The following PXT1 variants were observed in gnomAD, a reference collection of about 807,000 sequenced individuals.
PXT1 encodes the protein peroxisomal testis-specific protein 1.
Under a neutral mutation model 11.0 loss-of-function variants are expected in PXT1, and 11 were observed. The ratio of observed to expected loss-of-function variants is 1.00; its 90% CI spans 0.63 to 1.66. The LOEUF is 1.66. PXT1 is among the 40% of genes most tolerant of loss of function. The pLI is 0.00. For missense variants in PXT1, 141 were observed against 155.5 expected (o/e 0.91, Z 0.49); for synonymous variants, 43 against 51.4 (o/e 0.84, Z 0.70).
intron 1 of PXT1, among the ~76,000 whole-genome samples, chr6:36,441,561 C>T (rs766313209): frequency 6.6e-6 from 1 of 152,054 alleles, no homozygotes; most frequent in Admixed American, 6.6e-5. Context: ...TCTGCCAGCC[C>T]GGAAGTGCTG....
chr6:36,413,673 A>G (rs1774407793), intron 3 of PXT1, among the ~76,000 whole-genome samples: 1 of 152,102 alleles, frequency 6.6e-6, no homozygotes, highest in African/African-American at 2.4e-5. Context: ...TCAATCTAGA[A>G]TTCTATGCCC....
At chr6:36,441,447 C>G (rs1774862599) in intron 1 of PXT1, among the ~76,000 whole-genome samples, 1 of 152,140 alleles carries the variant, frequency 6.6e-6, no homozygotes, top group South Asian at 2.1e-4. Flanking sequence ...CAGGTTGAGC[C>G]TGGTGACTAG....
chr6:36,431,107 T>G (rs1008399743), intron 2 of PXT1, among the ~76,000 whole-genome samples: 6 of 152,102 alleles, frequency 3.9e-5, no homozygotes, highest in Admixed American at 2.6e-4. Context: ...TGAGCCACCA[T>G]GCCTGGCCGT....
chr6:36,430,002 C>G (rs1774669561), intron 2 of PXT1, among the ~76,000 whole-genome samples: 1 of 150,474 alleles, frequency 6.6e-6, no homozygotes, highest in African/African-American at 2.5e-5. Flanking sequence ...AGATCAGGAG[C>G]TCGAGAGTAG....
intron 3 of PXT1, among the ~76,000 whole-genome samples, chr6:36,414,036 T>C (rs1268784399): frequency 6.6e-6 from 1 of 152,170 alleles, no homozygotes; most frequent in South Asian, 2.1e-4. Flanking sequence ...TATGGGAGCG[T>C]TTAATGAAGA....
chr6:36,395,803 C>G (rs1774136044), intron 4 of PXT1, among the ~76,000 whole-genome samples: 1 of 151,998 alleles, frequency 6.6e-6, no homozygotes, highest in East Asian at 1.9e-4. Flanking sequence ...AGTTTGAGAC[C>G]AGGCTGGGCA....
chr6:36,426,083 G>A lies in PXT1; in HGVS notation c.-1C>T. ...CAATGCCATCATGTTTTTTCTTCAT[G>A]TTTTTTCCCTGTTGAAAAACATATT... On this transcript the variant is annotated 5_prime_UTR_variant, in exon 3 of 5. Transcript: ENST00000454782. 2.0e-6 allele frequency: 3 copies of A among 1,498,284 alleles called. No individual in the cohort carries two copies. The highest frequency in any genetic ancestry group is 2.7e-6 in the Non-Finnish European group (3 of 1,128,278). 92.8% of individuals were successfully genotyped at this position (1,498,284 alleles called of 1,614,324 possible). A position where few individuals can be genotyped will look rare whatever the true frequency, so the allele number is the denominator to read the frequency against.
intron 2 of PXT1, among the ~76,000 whole-genome samples, chr6:36,432,652 T>G (rs1175138979): frequency 6.6e-6 from 1 of 151,986 alleles, no homozygotes; most frequent in East Asian, 1.9e-4. Context: ...ATGGGAGAAA[T>G]GTAGTGCTTC....
At chr6:36,435,703 A>C (rs568830527) in intron 2 of PXT1, among the ~76,000 whole-genome samples, 1 of 152,348 alleles carries the variant, frequency 6.6e-6, no homozygotes, top group Admixed American at 6.5e-5. Context: ...GAATTCATCA[A>C]TGATAAACAG....
intron 2 of PXT1, among the ~76,000 whole-genome samples, chr6:36,437,820 CTTTTT>C (rs375905408): frequency 1.3e-5 from 1 of 79,426 alleles, no homozygotes; most frequent in South Asian, 4.2e-4. Context: ...CCAGCCACTG[CTTTTT>C]TTTTTTTTTT....
intron 3 of PXT1, among the ~76,000 whole-genome samples, chr6:36,404,425 G>A (rs1774258537): frequency 6.6e-6 from 1 of 152,120 alleles, no homozygotes; most frequent in African/African-American, 2.4e-5. Context: ...TCACTCAAGT[G>A]ATCCTCCCAC....
intron 2 of PXT1, among the ~76,000 whole-genome samples, chr6:36,429,715 T>G (rs515186): frequency 0.43 from 64,014 of 149,766 alleles, 15,053 homozygotes; most frequent in African/African-American, 0.61. Flanking sequence ...GTGTTGGCCA[T>G]GCTGGTCTCG....
intron 2 of PXT1, among the ~76,000 whole-genome samples, chr6:36,426,310 G>A (rs2180929): frequency 0.24 from 35,973 of 147,796 alleles, 4,618 homozygotes; most frequent in East Asian, 0.38. Context: ...CTATTACACC[G>A]GCCTGCATCC....
intron 3 of PXT1, among the ~76,000 whole-genome samples, chr6:36,419,747 T>A (rs1472958184): frequency 6.6e-6 from 1 of 152,222 alleles, no homozygotes. Flanking sequence ...TTTCCATTTG[T>A]CTTGAAGTCA....
rs561347695 is a variant in PXT1, at chr6:36,439,538, G to A, written c.-129-652C>T. On this transcript the variant is annotated intron_variant, in intron 1 of 4. Transcript: ENST00000454782. ...TGAGGTAGGATAATCGCTTGAATCC[G>A]GGAGGTGGAGGTAGCAGTGAACAGA... Among the ~76,000 whole-genome samples, 57 of 151,444 alleles carry A rather than the reference G, an allele frequency of 3.8e-4. 2 individuals carry two copies. In the East Asian group the frequency reaches 8.3e-3, roughly 22 times the overall value.
Position 36,414,768 on chromosome 6 carries a change from C to T in PXT1, c.169+11146G>A, listed in dbSNP as rs976097362. On this transcript the variant is annotated intron_variant, in intron 3 of 4. Transcript: ENST00000454782. ...GCCTCTCCACATTCTGGGCCATCTG[C>T]TGCCAGATTGGAAAATACATGTCTC... 2.0e-5 allele frequency among the ~76,000 whole-genome samples: 3 copies of T among 152,238 alleles called. No individual in the cohort carries two copies. In the South Asian group the frequency reaches 6.2e-4, roughly 31 times the overall value.
intron 3 of PXT1, among the ~76,000 whole-genome samples, chr6:36,418,914 T>C (rs1206165564): frequency 6.6e-6 from 1 of 151,940 alleles, no homozygotes; most frequent in African/African-American, 2.4e-5. Flanking sequence ...AGGGGGGAGA[T>C]AGTGTGGGGC....
Position 36,391,547 on chromosome 6 carries a change from C to T in PXT1, c.*223G>A. ...CCTGGGGTCCTAATTACTCCTTGGG[C>T]TTTACCGTGATGTGATCGCAGACAT... On this transcript the variant is annotated 3_prime_UTR_variant, in exon 5 of 5. Transcript: ENST00000454782. 1.9e-6 allele frequency: 1 copy of T among 538,554 alleles called. No homozygotes were observed. Among genetic ancestry groups the T allele is most frequent in the Non-Finnish European group, 3.3e-6 (1 of 304,054 alleles). 33.4% of individuals were successfully genotyped at this position (538,554 alleles called of 1,614,324 possible). A position where few individuals can be genotyped will look rare whatever the true frequency, so the allele number is the denominator to read the frequency against.
chr6:36,420,821 G>A (rs1206629824), intron 3 of PXT1, among the ~76,000 whole-genome samples: 1 of 152,184 alleles, frequency 6.6e-6, no homozygotes. Flanking sequence ...GGGAGTCCAA[G>A]GTGGGCGGAT....
Sources: allele counts gnomAD v4.1 joint callset (sites outside exome capture counted in the v4.1 genomes callset), GRCh38; gene constraint gnomAD v4.1.1; transcripts MANE v1.5; gene names NCBI Gene and HGNC (gene_info 2026-07-23, HGNC 2026-07-21).